Variants in PSME3 observed in about 807,000 individuals in gnomAD.
PSME3 encodes proteasome activator complex subunit 3.
PSME3 carries 7 observed loss-of-function variants against 38.3 expected under a neutral mutation model. That is an observed-to-expected ratio of 0.18 (90% CI 0.10 to 0.34). PSME3 has a LOEUF of 0.34. Among genes scored for constraint, PSME3 ranks in the 10% least tolerant of loss-of-function variants. The pLI, the probability that PSME3 is intolerant of heterozygous loss-of-function variation, is 1.00. For synonymous variants in PSME3, 108 were observed against 105.7 expected, an observed-to-expected ratio of 1.02 and a Z score of -0.13; for missense variants, 192 against 307.6, an observed-to-expected ratio of 0.62 and a Z score of 2.81.
chr17:42,834,404 G>A (rs575897775), intron 2 of PSME3, 28 bp downstream of exon 2: 4 of 1,612,844 alleles, frequency 2.5e-6, no homozygotes, highest in Admixed American at 1.7e-5. Flanking sequence ...AAAAATGGTT[G>A]TTGGTTGAGA....
chr17:42,838,013 T>C, intron 5 of PSME3, 80 bp from the exon 6 acceptor site: 1 of 1,440,394 alleles, frequency 6.9e-7, no homozygotes, highest in Non-Finnish European at 9.7e-7. Flanking sequence ...ATCTGATAGG[T>C]ATAGGGAAAA....
intron 1 of PSME3, chr17:42,834,089 T>C: frequency 6.9e-7 from 1 of 1,446,538 alleles, no homozygotes; most frequent in Non-Finnish European, 9.0e-7. Flanking sequence ...GCTTATCAAA[T>C]TCAGACAGCT....
At position 42,841,584 on chromosome 17, in the gene PSME3, G is replaced by T; in HGVS notation, c.*6G>T. Reference sequence around the variant, plus strand: ...ATGCAGAGACTCTGTACTGAGGCCAGGGCCAGGGCCAGGGGACTCTGTGAG... The same window carrying T: ...ATGCAGAGACTCTGTACTGAGGCCATGGCCAGGGCCAGGGGACTCTGTGAG... On this transcript the variant is annotated 3_prime_UTR_variant, in exon 11 of 11. Transcript: ENST00000590720. 6.3e-7 allele frequency: 1 copy of T among 1,578,766 alleles called. No homozygotes were observed. The highest frequency in any genetic ancestry group is 8.7e-7 in the Non-Finnish European group (1 of 1,155,434).
rs2055539147 is a variant in PSME3, at chr17:42,841,919, TC to T, written c.*343del. ...CTGTGTCTTGCGCTTTATGTTTTCT[TC>T]CGTTTGATAATTAGTTGGTTAAAAG... On this transcript the variant is annotated 3_prime_UTR_variant, in exon 11 of 11. Coordinates refer to ENST00000590720, the MANE Select transcript of PSME3 (RefSeq NM_005789.4). 5.6e-6 allele frequency: 1 copy of T among 179,762 alleles called. No individual in the cohort carries two copies. The highest frequency in any genetic ancestry group is 1.8e-4 in the South Asian group (1 of 5,462). The allele number at this position is 179,762 out of a possible 1,614,324, so 11.1% of individuals were successfully genotyped here.
At position 42,833,596 on chromosome 17, in the gene PSME3, C is replaced by T. The variant is rs1597950758; in HGVS notation, c.-36C>T. On this transcript the variant is annotated 5_prime_UTR_variant, in exon 1 of 11. Transcript: ENST00000590720. ...CCCTCCCTGGAGTCCACAGCGCCTC[C>T]GGTGTCCAGAGGATCGGACACGGCC... 1 of 1,613,624 alleles carries T rather than the reference C, an allele frequency of 6.2e-7. No homozygotes were observed. Among genetic ancestry groups the T allele is most frequent in the East Asian group, 2.2e-5 (1 of 44,878 alleles).
At position 42,839,307 on chromosome 17, in the gene PSME3, G is replaced by A. The variant is rs966756879; in HGVS notation, c.611G>A (p.Arg204His). 1.5e-5 allele frequency: 25 copies of A among 1,613,440 alleles called. No individual in the cohort carries two copies. In the Admixed American group the frequency reaches 2.5e-4, roughly 16 times the overall value. ...CCCTCCTTGCAGGAGGACTATCGCC[G>A]CACCGTGACAGAGATTGATGAGAAA... ...AKYPHVEDYR[R>H]TVTEIDEKEY... The change falls in exon 10 of 11, where the codon CGC (arginine) becomes CAC (histidine). Residue 204 changes from arginine (R) to histidine (H), a missense_variant. Transcript: ENST00000590720.
At chr17:42,838,923 A>G (rs770884351) in intron 7 of PSME3, 22 bp from the exon 8 acceptor site, 1 of 1,613,350 alleles carries the variant, frequency 6.2e-7, no homozygotes, top group Non-Finnish European at 8.5e-7. Flanking sequence ...CTTTTGATGC[A>G]CCTGTTGTTT....
chr17:42,838,500 G>T (rs1470687249), intron 6 of PSME3, among the ~76,000 whole-genome samples: 1 of 152,076 alleles, frequency 6.6e-6, no homozygotes, highest in Middle Eastern at 3.2e-3. Flanking sequence ...TAGAGACGGG[G>T]TTTCACCATT....
intron 10 of PSME3, 22 bp downstream of exon 10, chr17:42,839,402 C>T (rs776729695): frequency 1.9e-6 from 3 of 1,555,144 alleles, no homozygotes; most frequent in Non-Finnish European, 2.7e-6. Flanking sequence ...CAGTCCTTGT[C>T]CATAGTTGCT....
chr17:42,834,251 T>C lies in PSME3; in HGVS notation c.43-93T>C, dbSNP rs777377911. The C allele has an allele frequency of 5.0e-6, 8 of 1,602,572 alleles. No homozygotes were observed. In the East Asian group the frequency reaches 1.1e-4, roughly 23 times the overall value. On this transcript the variant is annotated intron_variant, in intron 1 of 10. Coordinates refer to ENST00000590720, the MANE Select transcript of PSME3 (RefSeq NM_005789.4). ...GGGCCTCTCAGCTTCTTATTACAGTTACAAGGTGAGGGAAAGACAGTTGGA... is the reference window on the plus strand; with the variant it reads ...GGGCCTCTCAGCTTCTTATTACAGTCACAAGGTGAGGGAAAGACAGTTGGA...
Position 42,837,644 on chromosome 17 carries a change from C to T in PSME3, c.244-5C>T. 1.2e-6 allele frequency: 2 copies of T among 1,614,056 alleles called. No individual in the cohort carries two copies. The highest frequency in any genetic ancestry group is 8.5e-7 in the Non-Finnish European group (1 of 1,179,976). On this transcript the variant is annotated splice_polypyrimidine_tract_variant and splice_region_variant and intron_variant, in intron 4 of 10. Coordinates refer to ENST00000590720, the MANE Select transcript of PSME3 (RefSeq NM_005789.4). ...AGGCTCATCCCTGCCTCTTTGTATC[C>T]TTAGCCCACTTATAAGAAGCGAAGG... is the stretch of plus-strand genomic sequence containing the variant.
intron 4 of PSME3, among the ~76,000 whole-genome samples, chr17:42,836,000 CTTT>C (rs1210980760): frequency 1.6e-5 from 2 of 128,534 alleles, no homozygotes. Context: ...CAGGAACTAT[CTTT>C]TTTTTTTTTT....
chr17:42,837,762 A>G, intron 5 of PSME3, 65 bp downstream of exon 5: 1 of 1,533,754 alleles, frequency 6.5e-7, no homozygotes, highest in South Asian at 1.1e-5. Context: ...GAGAAGCAGG[A>G]TGGATCTAGT....
At chr17:42,836,480 T>C (rs1221841179) in intron 4 of PSME3, among the ~76,000 whole-genome samples, 2 of 152,252 alleles carry the variant, frequency 1.3e-5, no homozygotes, top group East Asian at 3.8e-4. Context: ...TCCTATTCTT[T>C]ATAATACTTA....
chr17:42,840,805 T>C (rs529059416), intron 10 of PSME3, among the ~76,000 whole-genome samples: 1 of 152,236 alleles, frequency 6.6e-6, no homozygotes, highest in East Asian at 1.9e-4. Flanking sequence ...GAGGTGGTGC[T>C]GCCACCCTGA....
At chr17:42,840,948 A>G (rs35643058) in intron 10 of PSME3, among the ~76,000 whole-genome samples, 32,172 of 151,876 alleles carry the variant, frequency 0.21, 4,566 homozygotes, top group Non-Finnish European at 0.31. Context: ...CCTGGCTAAC[A>G]TGGTGAAACC....
chr17:42,839,554 C>CT (rs1206248377), intron 10 of PSME3, among the ~76,000 whole-genome samples, 174 bp downstream of exon 10: 1 of 152,156 alleles, frequency 6.6e-6, no homozygotes, highest in East Asian at 1.9e-4. Context: ...GGGTATCTCT[C>CT]TTTTTTCTAC....
At chr17:42,838,251 C>T in intron 6 of PSME3, 46 bp downstream of exon 6, 2 of 1,609,286 alleles carry the variant, frequency 1.2e-6, no homozygotes, top group Non-Finnish European at 8.5e-7. Context: ...AAGTACCCCA[C>T]CTGAAGTGCA....
intron 4 of PSME3, among the ~76,000 whole-genome samples, chr17:42,837,121 G>A (rs1451501499): frequency 3.3e-5 from 5 of 151,984 alleles, no homozygotes; most frequent in South Asian, 2.1e-4. Flanking sequence ...GTGCAATCTC[G>A]GCTCACTACA....
Sources: allele counts gnomAD v4.1 joint callset (sites outside exome capture counted in the v4.1 genomes callset), GRCh38; gene constraint gnomAD v4.1.1; transcripts MANE v1.5; gene names NCBI Gene and HGNC (gene_info 2026-07-23, HGNC 2026-07-21).